STAT2: variants seen among roughly 807,000 people sequenced by gnomAD.
STAT2 encodes interferon alpha induced transcriptional activator.
In STAT2, 51 loss-of-function variants were observed where a neutral mutation model predicts 122.3. That is an observed-to-expected ratio of 0.42 (90% CI 0.33 to 0.53). STAT2 has a LOEUF of 0.53. STAT2 is among the 20% of genes least tolerant of loss of function. The probability of loss-of-function intolerance (pLI) is 0.10; values close to 1 mark genes in which losing one functional copy is unlikely to be tolerated. For synonymous variants in STAT2, 351 were observed against 394.9 expected (o/e 0.89, Z 1.32); for missense variants, 736 against 1,010.3 (o/e 0.73, Z 3.68).
At chr12:56,354,016 A>AAAAAATATATATATATATATAT (rs71081350) in intron 8 of STAT2, among the ~76,000 whole-genome samples, 1 of 16,696 alleles carries the variant, frequency 6.0e-5, no homozygotes, top group Non-Finnish European at 1.6e-4. Flanking sequence ...AAAAAAAAAA[A>AAAAAATATATATATATATATAT]ATATATATAT....
chr12:56,352,929 C>A (rs1157599381), intron 8 of STAT2, among the ~76,000 whole-genome samples: 1 of 152,092 alleles, frequency 6.6e-6, no homozygotes, highest in Non-Finnish European at 1.5e-5. Context: ...AAGCAATCCT[C>A]CCACCTCAGC....
chr12:56,356,655 A>G, intron 1 of STAT2, 77 bp from the exon 2 acceptor site: 11 of 1,526,488 alleles, frequency 7.2e-6, no homozygotes, highest in Non-Finnish European at 9.7e-6. Flanking sequence ...ATTGTTCATT[A>G]TTACTAATTT....
At chr12:56,345,061 C>T (rs1877159835) in intron 22 of STAT2, among the ~76,000 whole-genome samples, 1 of 149,662 alleles carries the variant, frequency 6.7e-6, no homozygotes, top group Admixed American at 6.7e-5. Context: ...GTAATCCCAG[C>T]TACTCAGTAG....
At position 56,346,597 on chromosome 12, in the gene STAT2, G is replaced by A; in HGVS notation, c.1889C>T (p.Pro630Leu). ...DDKVLIYSVQ[P>L]YTKEVLQSLP... The stretch of plus-strand genomic sequence containing the variant: ...TGACTGCAGCACCTCCTTCGTGTAC[G>A]GTTGCACAGAGTAGATGAGCACCTT... The change falls in exon 21 of 24, where the codon CCG becomes CTG. Residue 630 changes from proline (P) to leucine (L), a missense_variant. Pro to Leu is a moderately conservative substitution (Grantham distance 98). Coordinates refer to ENST00000314128, the MANE Select transcript of STAT2 (RefSeq NM_005419.4). 1 of 1,614,182 alleles carries A rather than the reference G, an allele frequency of 6.2e-7. No individual in the cohort carries two copies. Among genetic ancestry groups the A allele is most frequent in the Non-Finnish European group, 8.5e-7 (1 of 1,180,038 alleles).
At chr12:56,354,689 A>G in intron 7 of STAT2, 75 bp from the exon 8 acceptor site, 1 of 1,612,258 alleles carries the variant, frequency 6.2e-7, no homozygotes, top group Non-Finnish European at 8.5e-7. Context: ...ATGAAGAAAC[A>G]AAGAAGCCAG....
intron 13 of STAT2, 55 bp downstream of exon 13, chr12:56,350,042 C>A (rs553599725): frequency 6.8e-7 from 1 of 1,470,542 alleles, no homozygotes; most frequent in South Asian, 1.1e-5. Context: ...GAGTGAGACT[C>A]CGTCTCAAAA....
chr12:56,354,396 A>G (rs907639525), intron 8 of STAT2, 70 bp downstream of exon 8: 48 of 1,604,346 alleles, frequency 3.0e-5, no homozygotes, highest in Non-Finnish European at 3.7e-5. Flanking sequence ...ATCTCTTGCT[A>G]TATGCAGGGC....
At chr12:56,350,934 TC>T in intron 10 of STAT2, 46 bp from the exon 11 acceptor site, 1 of 1,607,060 alleles carries the variant, frequency 6.2e-7, no homozygotes, top group Non-Finnish European at 8.5e-7. Flanking sequence ...ACCTCAACCT[TC>T]CGGATAGACT....
chr12:56,346,029 A>G, intron 22 of STAT2, 117 bp downstream of exon 22: 1 of 1,593,252 alleles, frequency 6.3e-7, no homozygotes, highest in Non-Finnish European at 8.6e-7. Flanking sequence ...GGCAGGGCAG[A>G]GCAGCTGACC....
chr12:56,345,378 G>A (rs1435133663), intron 22 of STAT2, among the ~76,000 whole-genome samples: 1 of 144,366 alleles, frequency 6.9e-6, no homozygotes, highest in Non-Finnish European at 1.5e-5. Context: ...GCGTGTGCCT[G>A]TAGTCTCAGC....
intron 10 of STAT2, 94 bp from the exon 11 acceptor site, chr12:56,350,982 A>G (rs1878378371): frequency 6.4e-7 from 1 of 1,572,180 alleles, no homozygotes; most frequent in South Asian, 1.1e-5. Context: ...TATAAGAGGT[A>G]GGGAGATTGC....
rs1431194849 is a variant in STAT2 at position 56,342,743 on chromosome 12, C to G, written c.*646G>C. On this transcript the variant is annotated 3_prime_UTR_variant, in exon 24 of 24. Transcript: ENST00000314128. The stretch of plus-strand genomic sequence containing the variant: ...GCAGGATCATTTTATGGGGGAGGAA[C>G]AGGTACAGCCAGCTTAGGGGCAGAG... The G allele has an allele frequency of 6.6e-6, 1 of 152,134 alleles. No individual in the cohort carries two copies. The highest frequency in any genetic ancestry group is 1.5e-5 in the Non-Finnish European group (1 of 68,072). 9.4% of individuals were successfully genotyped at this position (152,134 alleles called of 1,614,324 possible). A position where few individuals can be genotyped will look rare whatever the true frequency, so the allele number is the denominator to read the frequency against.
intron 16 of STAT2, 28 bp from the exon 17 acceptor site, chr12:56,349,087 G>C (rs1429365546): frequency 1.2e-6 from 2 of 1,613,478 alleles, no homozygotes; most frequent in Non-Finnish European, 1.7e-6. Context: ...GTGTAGGCTG[G>C]CTCAGAAGCA....
intron 19 of STAT2, among the ~76,000 whole-genome samples, chr12:56,348,050 G>A (rs540091577): frequency 6.5e-4 from 98 of 151,106 alleles, no homozygotes; most frequent in Non-Finnish European, 1.3e-3. Context: ...GAATGTAGGA[G>A]ATGCTTCACA....
chr12:56,348,710 T>C, intron 18 of STAT2, 42 bp downstream of exon 18: 1 of 1,613,982 alleles, frequency 6.2e-7, no homozygotes, highest in Non-Finnish European at 8.5e-7. Context: ...GTATTTGGAA[T>C]GTGGGCTAGA....
Position 56,348,942 on chromosome 12 carries a change from G to C in STAT2, c.1558C>G (p.Leu520Val), listed in dbSNP as rs2136052949. 6.2e-7 allele frequency: 1 copy of C among 1,613,490 alleles called. No homozygotes were observed. The highest frequency in any genetic ancestry group is 1.3e-5 in the African/African-American group (1 of 75,048). ...RGLNSDQLSM[L>V]RNKLFGQNCR... Reference sequence around the variant, plus strand: ...TCTGTACCGAACAGCTTGTTTCTCAGCATGCTCAGCTGGTCTGAGTTGAGG... The same window carrying C: ...TCTGTACCGAACAGCTTGTTTCTCACCATGCTCAGCTGGTCTGAGTTGAGG... The change falls in exon 17 of 24, where the codon CTG becomes GTG. Residue 520 changes from leucine to valine, a missense_variant. By Grantham distance (32) the Leu-to-Val change is conservative. Coordinates refer to ENST00000314128, the MANE Select transcript of STAT2 (RefSeq NM_005419.4).
chr12:56,348,716 C>T (rs1877938576), intron 18 of STAT2, 36 bp downstream of exon 18: 2 of 1,613,910 alleles, frequency 1.2e-6, no homozygotes, highest in Admixed American at 1.7e-5. Context: ...GGAATGTGGG[C>T]TAGATCCAGC....
intron 8 of STAT2, among the ~76,000 whole-genome samples, chr12:56,354,010 AAAAAAAATATATATAT>A (rs1319496576): frequency 1.0e-4 from 2 of 19,618 alleles, no homozygotes; most frequent in South Asian, 0.02. Flanking sequence ...AAAAAAAAAA[AAAAAAAATATATATAT>A]ATATATATAT....
At chr12:56,354,016 A>AAAAT (rs71081350) in intron 8 of STAT2, among the ~76,000 whole-genome samples, 1 of 16,696 alleles carries the variant, frequency 6.0e-5, no homozygotes, top group African/African-American at 1.1e-4. Context: ...AAAAAAAAAA[A>AAAAT]ATATATATAT....
Sources: allele counts gnomAD v4.1 joint callset (sites outside exome capture counted in the v4.1 genomes callset), GRCh38; gene constraint gnomAD v4.1.1; transcripts MANE v1.5; gene names NCBI Gene and HGNC (gene_info 2026-07-23, HGNC 2026-07-21).